Variants in NPAS3 observed in about 807,000 individuals in gnomAD.
NPAS3 encodes neuronal PAS domain-containing protein 3.
A neutral mutation model predicts 73.1 loss-of-function variants in NPAS3; 14 were observed. The ratio of observed to expected loss-of-function variants is 0.19; its 90% CI spans 0.13 to 0.30. The LOEUF (loss-of-function observed/expected upper bound fraction) is 0.30, where lower values mean the gene tolerates loss of function less well. Ranked by LOEUF, NPAS3 falls within the 10% of genes least tolerant of loss-of-function variation. The pLI, the probability that NPAS3 is intolerant of heterozygous loss-of-function variation, is 1.00. For missense variants in NPAS3, 1,096 were observed against 1,250.0 expected (o/e 0.88, Z 1.86); for synonymous variants, 620 against 541.5 (o/e 1.14, Z -2.01).
rs577642585 is a variant in NPAS3 at position 33,273,759 on chromosome 14, C to A, written c.385+58333C>A. 2.0e-5 allele frequency among the ~76,000 whole-genome samples: 3 copies of A among 152,228 alleles called. No homozygotes were observed. The East Asian group carries it at 5.8e-4, about 29-fold the overall frequency. ...TCTGTATTCCCTAGATTGTAACTAC[C>A]TGAAGGCAGGGGTACTTGTTTTGTT... On this transcript the variant is annotated intron_variant, in intron 3 of 11. Transcript: ENST00000356141.
chr14:33,197,656 G>C (rs1352481202), intron 2 of NPAS3, among the ~76,000 whole-genome samples: 4 of 152,166 alleles, frequency 2.6e-5, no homozygotes, highest in Non-Finnish European at 5.9e-5. Flanking sequence ...GAAAACAATG[G>C]TTCCAAAACT....
intron 3 of NPAS3, among the ~76,000 whole-genome samples, chr14:33,258,010 T>C (rs2139935683): frequency 6.6e-6 from 1 of 152,346 alleles, no homozygotes; most frequent in Middle Eastern, 3.4e-3. Flanking sequence ...ATGAGGCTTA[T>C]TTTGGCTGAC....
chr14:33,104,377 C>T (rs896081553), intron 2 of NPAS3, among the ~76,000 whole-genome samples: 2 of 152,082 alleles, frequency 1.3e-5, no homozygotes, highest in East Asian at 1.9e-4. Context: ...GGTAAAAGTC[C>T]GTAAGTTACT....
rs528307191 is a variant in NPAS3, at chr14:33,138,447, A to G, written c.141-76735A>G. On this transcript the variant is annotated intron_variant, in intron 2 of 11. Coordinates refer to ENST00000356141, the Ensembl canonical transcript of NPAS3. ...CATAAAACTTGTAAAGGATTGGTTTAATTCTTCTTTGAGGTTAGAAAACAT... is the reference window on the plus strand; with the variant it reads ...CATAAAACTTGTAAAGGATTGGTTTGATTCTTCTTTGAGGTTAGAAAACAT... 9.3e-4 allele frequency among the ~76,000 whole-genome samples: 141 copies of G among 152,282 alleles called. No individual in the cohort carries two copies. In the Middle Eastern group the frequency reaches 0.014, roughly 15 times the overall value.
chr14:33,270,583 T>TA (rs540054427), intron 3 of NPAS3, among the ~76,000 whole-genome samples: 141 of 152,306 alleles, frequency 9.3e-4, no homozygotes, highest in African/African-American at 3.3e-3. Context: ...CTCTAGTATT[T>TA]AAAAAGCTTA....
intron 5 of NPAS3, among the ~76,000 whole-genome samples, chr14:33,579,263 A>G (rs999546575): frequency 9.2e-5 from 14 of 152,322 alleles, no homozygotes; most frequent in African/African-American, 2.6e-4. Flanking sequence ...TTATTCACAC[A>G]TCTCAGTAAT....
intron 4 of NPAS3, among the ~76,000 whole-genome samples, chr14:33,514,289 T>G (rs1308487616): frequency 6.6e-6 from 1 of 151,994 alleles, no homozygotes; most frequent in Admixed American, 6.6e-5. Flanking sequence ...CCCACACCTC[T>G]TTGTCTCTAA....
chr14:33,238,015 A>C, intron 3 of NPAS3, among the ~76,000 whole-genome samples: 1 of 152,134 alleles, frequency 6.6e-6, no homozygotes, highest in Middle Eastern at 3.4e-3. Flanking sequence ...CATTTTTCAA[A>C]AAGAATTATT....
At chr14:33,254,782 G>C (rs140159725) in intron 3 of NPAS3, among the ~76,000 whole-genome samples, 152 of 152,266 alleles carry the variant, frequency 1.0e-3, no homozygotes, top group African/African-American at 3.4e-3. Flanking sequence ...CAAAATTCTA[G>C]AGGAATTATC....
chr14:33,464,436 T>C (rs1027080121), intron 4 of NPAS3, among the ~76,000 whole-genome samples: 1 of 152,198 alleles, frequency 6.6e-6, no homozygotes, highest in Non-Finnish European at 1.5e-5. Context: ...CACTGAGCAC[T>C]GAGGTCCTGC....
At chr14:33,741,589 G>A (rs1291111763) in intron 7 of NPAS3, among the ~76,000 whole-genome samples, 1 of 152,088 alleles carries the variant, frequency 6.6e-6, no homozygotes, top group African/African-American at 2.4e-5. Context: ...AAATACAGCC[G>A]GCATTGTTTC....
intron 5 of NPAS3, among the ~76,000 whole-genome samples, chr14:33,668,877 G>C (rs770530175): frequency 6.6e-6 from 1 of 152,104 alleles, no homozygotes; most frequent in Non-Finnish European, 1.5e-5. Flanking sequence ...AATCTTACAA[G>C]CATTTTCCAC....
intron 5 of NPAS3, among the ~76,000 whole-genome samples, chr14:33,653,901 T>C (rs1300740562): frequency 1.3e-5 from 2 of 152,198 alleles, no homozygotes; most frequent in Non-Finnish European, 2.9e-5. Context: ...TAGATGTGCC[T>C]AAAGGTGTGG....
chr14:32,976,449 G>A (rs2037681480), intron 1 of NPAS3, among the ~76,000 whole-genome samples: 1 of 152,188 alleles, frequency 6.6e-6, no homozygotes, highest in Non-Finnish European at 1.5e-5. Flanking sequence ...TCACACACAT[G>A]CTGTATCAGT....
rs964077441 is a variant in NPAS3, at chr14:33,301,325, T to A, written c.386-65861T>A. Among the ~76,000 whole-genome samples the A allele has an allele frequency of 3.0e-3, 286 of 94,798 alleles. 8 individuals are homozygous for A. Among genetic ancestry groups the A allele is most frequent in the East Asian group, 8.5e-3 (24 of 2,812 alleles). The allele number at this position is 94,798 out of a possible 152,430, so 62.2% of individuals were successfully genotyped here. ...TTATCATTATATATATATATATATT[T>A]TTTTTTTTTAAATCTAGCTGTAATG... On this transcript the variant is annotated intron_variant, in intron 3 of 11. Coordinates refer to ENST00000356141, the Ensembl canonical transcript of NPAS3.
chr14:33,772,482 C>T (rs1053144117), intron 7 of NPAS3, among the ~76,000 whole-genome samples: 1 of 152,176 alleles, frequency 6.6e-6, no homozygotes, highest in African/African-American at 2.4e-5. Context: ...CCAACCCAGA[C>T]GCCTTTAAAT....
At chr14:33,518,182 T>C (rs11848867) in intron 4 of NPAS3, among the ~76,000 whole-genome samples, 47,165 of 151,826 alleles carry the variant, frequency 0.31, 7,784 homozygotes, top group African/African-American at 0.4. Flanking sequence ...AGGATGCAGG[T>C]AGCTCAGGCA....
rs12590442 is a variant in NPAS3, at chr14:33,075,629, G to A, written c.140+19635G>A. On this transcript the variant is annotated intron_variant, in intron 2 of 11. Coordinates refer to ENST00000356141, the Ensembl canonical transcript of NPAS3. ...GCAGCTTCTATTAGTCAACAGAAAC[G>A]CTTAGAAAACTGCCTCCTGTATGCT... Among the ~76,000 whole-genome samples the A allele has an allele frequency of 3.3e-3, 501 of 152,250 alleles. 17 individuals carry two copies. In the East Asian group the frequency reaches 0.062, roughly 19 times the overall value.
At chr14:33,384,914 G>A (rs1447554767) in intron 4 of NPAS3, among the ~76,000 whole-genome samples, 3 of 152,192 alleles carry the variant, frequency 2.0e-5, no homozygotes, top group South Asian at 2.1e-4. Context: ...AGGGAAGCCC[G>A]GGCCACACGT....
Sources: allele counts gnomAD v4.1 joint callset (sites outside exome capture counted in the v4.1 genomes callset), GRCh38; gene constraint gnomAD v4.1.1; transcripts MANE v1.5; gene names NCBI Gene and HGNC (gene_info 2026-07-23, HGNC 2026-07-21).